SPMIP2: variants seen among roughly 807,000 people sequenced by gnomAD.
SPMIP2 encodes the protein sperm microtubule inner protein 2, also known as protein SPMIP2.
the SPMIP2 span, among the ~76,000 whole-genome samples, chr4:158,911,952 A>G: frequency 1.3e-5 from 2 of 152,202 alleles, no homozygotes; most frequent in Non-Finnish European, 2.9e-5. Flanking sequence ...TACAATGCAT[A>G]TGATATATGC....
chr4:159,042,889 C>T, the SPMIP2 span, among the ~76,000 whole-genome samples: 7 of 152,216 alleles, frequency 4.6e-5, no homozygotes, highest in East Asian at 1.4e-3. Context: ...TCTCCAACTC[C>T]TGGGCTCAAG....
chr4:158,983,087 G>T, the SPMIP2 span, among the ~76,000 whole-genome samples: 1 of 152,160 alleles, frequency 6.6e-6, no homozygotes, highest in African/African-American at 2.4e-5. Flanking sequence ...TGAATGAAAT[G>T]AAGCGAGAAG....
the SPMIP2 span, chr4:158,904,530 C>T: frequency 1.9e-5 from 30 of 1,612,762 alleles, no homozygotes; most frequent in African/African-American, 2.7e-4. Flanking sequence ...TTATGTGGCT[C>T]AAATACTCTT....
the SPMIP2 span, among the ~76,000 whole-genome samples, chr4:158,948,073 C>T: frequency 2.0e-5 from 3 of 152,170 alleles, no homozygotes; most frequent in Admixed American, 2.0e-4. Flanking sequence ...TAACCCAATA[C>T]TTATACTCGA....
chr4:159,036,236 C>A, the SPMIP2 span, among the ~76,000 whole-genome samples: 1 of 152,318 alleles, frequency 6.6e-6, no homozygotes, highest in East Asian at 1.9e-4. Flanking sequence ...GAAAGGCTTA[C>A]AGTAGGCTTA....
chr4:159,074,766 A>G, the SPMIP2 span, among the ~76,000 whole-genome samples: 7 of 152,208 alleles, frequency 4.6e-5, no homozygotes, highest in African/African-American at 1.2e-4. Flanking sequence ...AATATTAACT[A>G]TACAGTCCAT....
At chr4:159,076,812 C>T in the SPMIP2 span, among the ~76,000 whole-genome samples, 1 of 151,280 alleles carries the variant, frequency 6.6e-6, no homozygotes, top group East Asian at 1.9e-4. Flanking sequence ...GGATTACAGA[C>T]ATGCATCACC....
At chr4:159,051,410 C>A in the SPMIP2 span, among the ~76,000 whole-genome samples, 3 of 152,180 alleles carry the variant, frequency 2.0e-5, no homozygotes, top group African/African-American at 7.2e-5. Context: ...GGATTACACC[C>A]ACCATTTCCC....
the SPMIP2 span, among the ~76,000 whole-genome samples, chr4:159,065,488 C>T: frequency 6.6e-6 from 1 of 152,132 alleles, no homozygotes; most frequent in South Asian, 2.1e-4. Flanking sequence ...GAGGCCAAGG[C>T]TGGCAAATCA....
At chr4:159,070,110 T>C in the SPMIP2 span, among the ~76,000 whole-genome samples, 1 of 151,922 alleles carries the variant, frequency 6.6e-6, no homozygotes, top group African/African-American at 2.4e-5. Flanking sequence ...AAAGGACAGA[T>C]GGTTCTTATT....
chr4:158,938,228 G>C, the SPMIP2 span, among the ~76,000 whole-genome samples: 1 of 152,194 alleles, frequency 6.6e-6, no homozygotes, highest in Non-Finnish European at 1.5e-5. Flanking sequence ...ACCTATTTCA[G>C]ACAGATGAAT....
At chr4:158,967,041 C>T in the SPMIP2 span, among the ~76,000 whole-genome samples, 6 of 152,144 alleles carry the variant, frequency 3.9e-5, no homozygotes, top group Non-Finnish European at 7.3e-5. Flanking sequence ...GCTTTGAACA[C>T]GGTACAGAGG....
At chr4:158,973,683 T>C in the SPMIP2 span, among the ~76,000 whole-genome samples, 10 of 152,126 alleles carry the variant, frequency 6.6e-5, no homozygotes, top group Non-Finnish European at 1.2e-4. Flanking sequence ...CTGCTTTGTA[T>C]ATAATCAACT....
chr4:158,926,953 C>A, the SPMIP2 span, among the ~76,000 whole-genome samples: 7 of 152,160 alleles, frequency 4.6e-5, no homozygotes, highest in African/African-American at 1.4e-4. Flanking sequence ...CACAATTACA[C>A]AGTATACCCA....
the SPMIP2 span, among the ~76,000 whole-genome samples, chr4:159,017,382 G>A: frequency 4.5e-4 from 38 of 84,940 alleles, no homozygotes; most frequent in Non-Finnish European, 9.2e-4. Flanking sequence ...CACACACACA[G>A]ACCTTAGACT....
chr4:159,004,110 G>A, the SPMIP2 span, among the ~76,000 whole-genome samples: 2 of 151,146 alleles, frequency 1.3e-5, no homozygotes, highest in South Asian at 2.1e-4. Flanking sequence ...TCTACCTCCC[G>A]GGTTCAAGTG....
At chr4:158,992,051 T>C in the SPMIP2 span, among the ~76,000 whole-genome samples, 2 of 150,720 alleles carry the variant, frequency 1.3e-5, no homozygotes, top group African/African-American at 5.0e-5. Context: ...GCCATCACAT[T>C]TGGCTAATTA....
At chr4:158,934,038 A>G in the SPMIP2 span, among the ~76,000 whole-genome samples, 1 of 152,138 alleles carries the variant, frequency 6.6e-6, no homozygotes, top group African/African-American at 2.4e-5. Context: ...TCATCTTTCT[A>G]ATAATTTCTT....
chr4:159,000,887 T>C, the SPMIP2 span, among the ~76,000 whole-genome samples: 16 of 152,214 alleles, frequency 1.1e-4, no homozygotes, highest in Admixed American at 6.5e-5. Flanking sequence ...TATTCTATTG[T>C]ACAGATATGT....
Sources: gnomAD v4.1 joint callset for allele counts (sites outside exome capture counted in the v4.1 genomes callset) on GRCh38, gnomAD v4.1.1 for gene constraint, MANE v1.5 for transcripts, NCBI Gene and HGNC (gene_info 2026-07-23, HGNC 2026-07-21) for gene names.